TMEM232: variants seen among roughly 807,000 people sequenced by gnomAD.
TMEM232 encodes the protein transmembrane protein 232.
Under a neutral mutation model 78.8 loss-of-function variants are expected in TMEM232, and 80 were observed. The ratio of observed to expected loss-of-function variants is 1.01; its 90% CI spans 0.85 to 1.22. TMEM232 has a LOEUF of 1.22. TMEM232 is among the 50% of genes most tolerant of loss of function. The pLI, the probability that TMEM232 is intolerant of heterozygous loss-of-function variation, is 0.00. For synonymous variants in TMEM232, 297 were observed against 254.3 expected (o/e 1.17, Z -1.60); for missense variants, 881 against 742.2 (o/e 1.19, Z -2.17).
At chr5:110,449,905 G>A (rs1396932128) in intron 12 of TMEM232, among the ~76,000 whole-genome samples, 1 of 152,050 alleles carries the variant, frequency 6.6e-6, no homozygotes, top group African/African-American at 2.4e-5. Context: ...TATTTATCAT[G>A]ATTATTGATA....
chr5:110,704,916 T>C (rs540554402), intron 1 of TMEM232, among the ~76,000 whole-genome samples: 1 of 152,080 alleles, frequency 6.6e-6, no homozygotes, highest in Non-Finnish European at 1.5e-5. Flanking sequence ...TATTTCTTGT[T>C]CTGGGGGTCA....
intron 7 of TMEM232, among the ~76,000 whole-genome samples, chr5:110,620,662 CCTCT>C (rs747812196): frequency 2.0e-4 from 20 of 100,428 alleles, no homozygotes; most frequent in Non-Finnish European, 2.8e-4. Context: ...TCTCTCTCCT[CCTCT>C]CTCTCTCTCT....
intron 1 of TMEM232, among the ~76,000 whole-genome samples, chr5:110,680,057 G>C (rs1164437659): frequency 1.3e-5 from 2 of 152,024 alleles, no homozygotes; most frequent in Admixed American, 6.6e-5. Context: ...AGTTGTCCAG[G>C]AATGTGTGTT....
At position 110,645,529 on chromosome 5, in the gene TMEM232, A is replaced by G. The variant is rs527742277; in HGVS notation, c.126-3158T>C. Among the ~76,000 whole-genome samples, 107 of 151,706 alleles carry G rather than the reference A, an allele frequency of 7.1e-4. 1 individual carries two copies. Among genetic ancestry groups the G allele is most frequent in the African/African-American group, 2.5e-3 (104 of 41,522 alleles). On this transcript the variant is annotated intron_variant, in intron 2 of 13. Coordinates refer to ENST00000455884, the MANE Select transcript of TMEM232 (RefSeq NM_001039763.4). ...AGTTTAACTTCCATTCATGATTAAA[A>G]TTCTCAAGAAAATAGGTGTAAAAAG...
intron 8 of TMEM232, among the ~76,000 whole-genome samples, chr5:110,610,255 G>GGAGGAAGGGAGGAAGGGAGGAAGA (rs1782071840): frequency 6.8e-6 from 1 of 146,260 alleles, no homozygotes; most frequent in Admixed American, 6.8e-5. Context: ...AGGGAGGAAG[G>GGAGGAAGGGAGGAAGGGAGGAAGA]GAGGAAGGGA....
chr5:110,654,093 G>T (rs1166049690), intron 2 of TMEM232, among the ~76,000 whole-genome samples: 1 of 152,092 alleles, frequency 6.6e-6, no homozygotes, highest in South Asian at 2.1e-4. Context: ...TATATAATAT[G>T]GGGTGCAAAT....
chr5:110,635,822 A>G (rs955000337), intron 5 of TMEM232, among the ~76,000 whole-genome samples: 1 of 152,070 alleles, frequency 6.6e-6, no homozygotes, highest in Non-Finnish European at 1.5e-5. Context: ...AGTGTAAATT[A>G]GTACAGCCAC....
At chr5:110,474,665 C>T (rs1007556996) in intron 12 of TMEM232, among the ~76,000 whole-genome samples, 2 of 151,646 alleles carry the variant, frequency 1.3e-5, no homozygotes, top group African/African-American at 4.8e-5. Flanking sequence ...ATAAAGATAC[C>T]CACTTATAAA....
rs529836571 is a variant in TMEM232 at position 110,567,028 on chromosome 5, T to C, written c.1455+1419A>G. On this transcript the variant is annotated intron_variant, in intron 11 of 13. Coordinates refer to ENST00000455884, the MANE Select transcript of TMEM232 (RefSeq NM_001039763.4). Reference sequence around the variant, plus strand: ...AGAGAGCATGTGCAGGGAAACTGTCTTTATAAAACCATCAGATCTCATGAG... The same window carrying C: ...AGAGAGCATGTGCAGGGAAACTGTCCTTATAAAACCATCAGATCTCATGAG... Among the ~76,000 whole-genome samples the C allele has an allele frequency of 4.6e-5, 7 of 151,928 alleles. No individual in the cohort carries two copies. The South Asian group carries it at 1.4e-3, about 31-fold the overall frequency.
intron 1 of TMEM232, among the ~76,000 whole-genome samples, chr5:110,695,488 C>G (rs575270896): frequency 4.8e-4 from 73 of 152,092 alleles, no homozygotes; most frequent in Middle Eastern, 6.8e-3. Context: ...CACAAAAAAC[C>G]CCTCAAAAAA....
intron 6 of TMEM232, 22 bp from the exon 7 acceptor site, chr5:110,625,455 G>C: frequency 6.7e-7 from 1 of 1,484,780 alleles, no homozygotes; most frequent in Non-Finnish European, 9.0e-7. Context: ...AAAATCATCT[G>C]TGAGAAATAA....
At chr5:110,520,037 G>GTATATA (rs778212998) in intron 12 of TMEM232, among the ~76,000 whole-genome samples, 9 of 148,328 alleles carry the variant, frequency 6.1e-5, no homozygotes, top group African/African-American at 1.7e-4. Context: ...ATATATTTAT[G>GTATATA]TATATATATA....
Position 110,459,134 on chromosome 5 carries a change from G to A in TMEM232, c.1704-34218C>T, listed in dbSNP as rs1411575132. On this transcript the variant is annotated intron_variant, in intron 12 of 13. Coordinates refer to ENST00000455884, the MANE Select transcript of TMEM232 (RefSeq NM_001039763.4). ...TGTTATTTTGTTTACATATTTCCCT[G>A]TAGCAAATATAAATATTAGAGATTA... Among the ~76,000 whole-genome samples the A allele has an allele frequency of 7.2e-5, 11 of 152,166 alleles. No homozygotes were observed. In the East Asian group the frequency reaches 1.9e-3, roughly 27 times the overall value.
In TMEM232 at chr5:110,642,362, A is replaced by T; in HGVS notation, c.135T>A (p.Phe45Leu). Residue 45 changes from phenylalanine to leucine, a missense_variant, in exon 3 of 14, where the codon TTT (phenylalanine) becomes TTA (leucine). Transcript: ENST00000455884. The part of the protein sequence containing the change: ...GERGHKSRPT[F>L]SITKEFILRF... ...TCAAGATGAATTCTTTTGTGATTGA[A>T]AATGTTGGCCTAAATAAAACATTGA... 1 of 1,513,148 alleles carries T rather than the reference A, an allele frequency of 6.6e-7. No individual in the cohort carries two copies. The highest frequency in any genetic ancestry group is 8.8e-7 in the Non-Finnish European group (1 of 1,132,746). 93.7% of individuals were successfully genotyped at this position (1,513,148 alleles called of 1,614,324 possible). A position where few individuals can be genotyped will look rare whatever the true frequency, so the allele number is the denominator to read the frequency against.
intron 11 of TMEM232, among the ~76,000 whole-genome samples, chr5:110,532,782 T>C (rs557783455): frequency 1.3e-5 from 2 of 152,128 alleles, no homozygotes; most frequent in African/African-American, 4.8e-5. Context: ...ATGCACTCCT[T>C]ACCATCTCAT....
Position 110,420,473 on chromosome 5 carries a change from T to G in TMEM232, c.*107A>C. 3 of 677,490 alleles carry G rather than the reference T, an allele frequency of 4.4e-6. No individual in the cohort carries two copies. Among genetic ancestry groups the G allele is most frequent in the Non-Finnish European group, 6.6e-6 (3 of 451,942 alleles). 42.0% of individuals were successfully genotyped at this position (677,490 alleles called of 1,614,324 possible). On this transcript the variant is annotated 3_prime_UTR_variant, in exon 14 of 14. Coordinates refer to ENST00000455884, the MANE Select transcript of TMEM232 (RefSeq NM_001039763.4). Reference sequence around the variant, plus strand: ...AATTCTTTCTAAACAATACCTCCATTTAATGACAAGAAAGTTCTCTTACTA... The same window carrying G: ...AATTCTTTCTAAACAATACCTCCATGTAATGACAAGAAAGTTCTCTTACTA...
intron 12 of TMEM232, among the ~76,000 whole-genome samples, chr5:110,459,585 A>G (rs1439907848): frequency 6.6e-6 from 1 of 152,176 alleles, no homozygotes; most frequent in Non-Finnish European, 1.5e-5. Flanking sequence ...ATAATTTTGT[A>G]ACCATAATAG....
intron 2 of TMEM232, among the ~76,000 whole-genome samples, chr5:110,656,939 T>A (rs752951735): frequency 6.6e-6 from 1 of 152,154 alleles, no homozygotes; most frequent in African/African-American, 2.4e-5. Context: ...AACCAAAACA[T>A]AATAATTGTA....
chr5:110,528,985 T>C (rs1771028047), intron 11 of TMEM232, 150 bp from the exon 12 acceptor site: 2 of 899,402 alleles, frequency 2.2e-6, no homozygotes, highest in African/African-American at 3.5e-5. Flanking sequence ...TATAAAAAAA[T>C]TGCAGTTTTC....
Sources: gnomAD v4.1 joint callset for allele counts (sites outside exome capture counted in the v4.1 genomes callset) on GRCh38, gnomAD v4.1.1 for gene constraint, MANE v1.5 for transcripts, NCBI Gene and HGNC (gene_info 2026-07-23, HGNC 2026-07-21) for gene names.